The following COL11A2 variants were observed in gnomAD, a reference collection of about 807,000 sequenced individuals.
COL11A2 encodes the protein collagen alpha-2(XI) chain.
A neutral mutation model predicts 273.4 loss-of-function variants in COL11A2; 116 were observed. The observed-to-expected ratio is 0.42, with a 90% CI of 0.36 to 0.49. COL11A2 has a LOEUF of 0.49. COL11A2 is among the 20% of genes least tolerant of loss of function. COL11A2 has a pLI of 0.00. For missense variants in COL11A2, 1,866 were observed against 2,309.0 expected (o/e 0.81, Z 3.93); for synonymous variants, 782 against 864.2 (o/e 0.90, Z 1.67).
Position 33,176,542 on chromosome 6 carries a change from C to T in COL11A2, c.2116-56G>A. 1 of 1,531,896 alleles carries T rather than the reference C, an allele frequency of 6.5e-7. No homozygotes were observed. Among genetic ancestry groups the T allele is most frequent in the South Asian group, 1.1e-5 (1 of 88,632 alleles). The allele number at this position is 1,531,896 out of a possible 1,614,324, so 94.9% of individuals were successfully genotyped here. On this transcript the variant is annotated intron_variant, in intron 26 of 65. Coordinates refer to ENST00000341947, the MANE Select transcript of COL11A2 (RefSeq NM_080680.3). The surrounding 1 kb of genome is among the most constrained non-coding windows in gnomAD (Gnocchi z 4.9). ...GGGCCTCAGAGTGTCACTGTGGGGG[C>T]CTCCAGGGGTGGAAGAAATGGAAGT... is the stretch of plus-strand genomic sequence containing the variant.
rs761256686 is a variant in COL11A2, at chr6:33,174,031, G to A, written c.2509C>T (p.Arg837Trp). 14 of 1,613,788 alleles carry A rather than the reference G, an allele frequency of 8.7e-6. No individual in the cohort carries two copies. Among genetic ancestry groups the A allele is most frequent in the South Asian group, 4.4e-5 (4 of 91,076 alleles). Residue 837 changes from arginine to tryptophan, a missense_variant, in exon 33 of 66, where the codon CGG becomes TGG. Arg to Trp is a moderately radical substitution (Grantham distance 101, BLOSUM62 -3). Coordinates refer to ENST00000341947, the MANE Select transcript of COL11A2 (RefSeq NM_080680.3). ...ARGLSGKSGP[R>W]GERGPTGPRG... ...CTCACCGTGGGGCCCCGTTCTCCCC[G>A]AGGCCCTGACTTCCCCGACAGGCCC...
intron 52 of COL11A2, 35 bp downstream of exon 52, chr6:33,168,920 C>G (rs554779812): frequency 6.2e-7 from 1 of 1,607,128 alleles, no homozygotes. Context: ...AAGCCCCACC[C>G]TTTTTGCCCC....
chr6:33,175,782 T>A (rs564435056), intron 29 of COL11A2, 101 bp from the exon 30 acceptor site: 2 of 1,236,886 alleles, frequency 1.6e-6, no homozygotes, highest in Non-Finnish European at 2.4e-6. Context: ...GCTAGAGGGG[T>A]CCCAGGAGCC....
Position 33,166,361 on chromosome 6 carries a change from A to G in COL11A2, c.4392+152T>C. 1.6e-6 allele frequency: 2 copies of G among 1,220,180 alleles called. No homozygotes were observed. Among genetic ancestry groups the G allele is most frequent in the Non-Finnish European group, 2.3e-6 (2 of 868,974 alleles). 75.6% of individuals were successfully genotyped at this position (1,220,180 alleles called of 1,614,324 possible). Reference sequence around the variant, plus strand: ...CTAGGACATTCAGAGCCCTGGAAGTATGGGGAGGAGGTACTGGTGGTGACA... The same window carrying G: ...CTAGGACATTCAGAGCCCTGGAAGTGTGGGGAGGAGGTACTGGTGGTGACA... On this transcript the variant is annotated intron_variant, in intron 60 of 65. Coordinates refer to ENST00000341947, the MANE Select transcript of COL11A2 (RefSeq NM_080680.3). The surrounding 1 kb of genome is among the most constrained non-coding windows in gnomAD (Gnocchi z 4.8).
At chr6:33,187,280 G>A (rs1041331387) in intron 4 of COL11A2, among the ~76,000 whole-genome samples, 3 of 152,340 alleles carry the variant, frequency 2.0e-5, no homozygotes, top group South Asian at 4.1e-4. Flanking sequence ...TAGAAATGGA[G>A]TGGGGAGAAC....
At chr6:33,185,620 G>T in intron 6 of COL11A2, 81 bp downstream of exon 6, 1 of 564,590 alleles carries the variant, frequency 1.8e-6, no homozygotes, top group Admixed American at 2.0e-5. Flanking sequence ...CGGCATGGGG[G>T]AGGGGAGGAA....
chr6:33,179,867 A>C lies in COL11A2; in HGVS notation c.1360-62T>G. ...AGAAAGCCATGGGACCCTCCCAGCC[A>C]GAGGCTTTCTCCAGCGTTTCTGCCC... On this transcript the variant is annotated intron_variant, in intron 12 of 65. Coordinates refer to ENST00000341947, the MANE Select transcript of COL11A2 (RefSeq NM_080680.3). This position sits in a 1 kb window ranked among gnomAD's most constrained non-coding sequence, Gnocchi z 6.4. The C allele has an allele frequency of 3.3e-6, 5 of 1,499,840 alleles. No homozygotes were observed. The highest frequency in any genetic ancestry group is 4.6e-6 in the Non-Finnish European group (5 of 1,086,978). 92.9% of individuals were successfully genotyped at this position (1,499,840 alleles called of 1,614,324 possible).
At position 33,176,064 on chromosome 6, in the gene COL11A2, C is replaced by T. The variant is rs202032297; in HGVS notation, c.2220G>A (p.Glu740=). The T allele has an allele frequency of 1.2e-4, 193 of 1,612,908 alleles. No homozygotes were observed. The highest frequency in any genetic ancestry group is 1.6e-4 in the Non-Finnish European group (188 of 1,180,032). Residue 740 remains glutamate, a synonymous_variant, in exon 29 of 66, where the codon GAG becomes GAA. Transcript: ENST00000341947. This position sits in a 1 kb window ranked among gnomAD's most constrained non-coding sequence, Gnocchi z 4.9. ...GLKGHKGEKG[E]DGFPGFKGDI... ...CACCTTTGAACCCAGGAAAGCCATC[C>T]TCACCCTGAGAAAGATAGAGGTGAG...
intron 4 of COL11A2, among the ~76,000 whole-genome samples, chr6:33,187,524 T>C (rs904122034): frequency 1.3e-5 from 2 of 151,976 alleles, no homozygotes; most frequent in Non-Finnish European, 2.9e-5. Flanking sequence ...GATGGATGAA[T>C]GGATAGATGA....
At chr6:33,185,659 G>T in intron 6 of COL11A2, 42 bp downstream of exon 6, 2 of 983,104 alleles carry the variant, frequency 2.0e-6, no homozygotes, top group Non-Finnish European at 3.0e-6. Context: ...TGCTGGGGGT[G>T]CTGGGAGAAA....
In COL11A2 at chr6:33,177,461, G is replaced by A; in HGVS notation, c.1922C>T (p.Pro641Leu). 6.2e-7 allele frequency: 1 copy of A among 1,612,894 alleles called. No homozygotes were observed. The highest frequency in any genetic ancestry group is 1.1e-5 in the South Asian group (1 of 91,082). ...GPQGPKGSLGPQGEPGPPGQQ... is the reference protein window; with the variant it reads ...GPQGPKGSLGLQGEPGPPGQQ... The stretch of plus-strand genomic sequence containing the variant: ...TCCAGGAGGTCCTGGCTCTCCCTGG[G>A]GTCCCTAGAAACAGGTGACCAGGCA... Residue 641 changes from proline (P) to leucine (L), a missense_variant, in exon 23 of 66, where the codon CCC (proline) becomes CTC (leucine). Physicochemically the swap from Pro to Leu is moderately conservative, Grantham distance 98. Coordinates refer to ENST00000341947, the MANE Select transcript of COL11A2 (RefSeq NM_080680.3). This position sits in a 1 kb window ranked among gnomAD's most constrained non-coding sequence, Gnocchi z 5.9.
intron 44 of COL11A2, 44 bp from the exon 45 acceptor site, chr6:33,171,211 G>A: frequency 6.2e-7 from 1 of 1,613,484 alleles, no homozygotes; most frequent in Non-Finnish European, 8.5e-7. Context: ...CAGGGAGAGA[G>A]ATCAGGTGGG....
intron 5 of COL11A2, 130 bp from the exon 6 acceptor site, chr6:33,185,908 CAG>C (rs981415351): frequency 2.7e-5 from 11 of 401,752 alleles, no homozygotes; most frequent in East Asian, 6.1e-5. Flanking sequence ...AGTTGGGAAA[CAG>C]AGAGTTGAAG....
In COL11A2 at chr6:33,177,636, G is replaced by A. The variant is rs1771111220; in HGVS notation, c.1917+26C>T. 6.2e-7 allele frequency: 1 copy of A among 1,612,364 alleles called. No homozygotes were observed. The highest frequency in any genetic ancestry group is 8.5e-7 in the Non-Finnish European group (1 of 1,179,498). ...AGGGACCTCGGGGGATAAGAATGGG[G>A]GTGGGATCTCCTATCCATCACTCAC... On this transcript the variant is annotated intron_variant, in intron 22 of 65. Coordinates refer to ENST00000341947, the MANE Select transcript of COL11A2 (RefSeq NM_080680.3). The surrounding 1 kb of genome is among the most constrained non-coding windows in gnomAD (Gnocchi z 5.9).
At position 33,178,923 on chromosome 6, in the gene COL11A2, C is replaced by A. The variant is rs1432655261; in HGVS notation, c.1662G>T (p.Val554=). Residue 554 remains valine, a synonymous_variant, in exon 17 of 66, where the codon GTG becomes GTT. Coordinates refer to ENST00000341947, the MANE Select transcript of COL11A2 (RefSeq NM_080680.3). This position sits in a 1 kb window ranked among gnomAD's most constrained non-coding sequence, Gnocchi z 4.6. The part of the protein sequence containing the change: ...GARGMPGDPG[V]KGDRGFDGLP... ...GGGAGGGGCCCAAGCCTGTTACCTT[C>A]ACTCCAGGATCTCCAGGCATCCCTC... 1.2e-6 allele frequency: 2 copies of A among 1,613,860 alleles called. No homozygotes were observed. The highest frequency in any genetic ancestry group is 1.7e-6 in the Non-Finnish European group (2 of 1,179,988).
At position 33,165,355 on chromosome 6, in the gene COL11A2, G is replaced by T. The variant is rs1449343075; in HGVS notation, c.4750+194C>A. On this transcript the variant is annotated intron_variant, in intron 63 of 65. Transcript: ENST00000341947. The surrounding 1 kb of genome is among the most constrained non-coding windows in gnomAD (Gnocchi z 7.7). ...CAGACACTGGGCTGATAACCAACTGGTACACACTGACCCAGATCAGTTGCT... is the reference window on the plus strand; with the variant it reads ...CAGACACTGGGCTGATAACCAACTGTTACACACTGACCCAGATCAGTTGCT... 6.6e-6 allele frequency among the ~76,000 whole-genome samples: 1 copy of T among 152,112 alleles called. No individual in the cohort carries two copies. The highest frequency in any genetic ancestry group is 2.4e-5 in the African/African-American group (1 of 41,406).
chr6:33,177,375 C>T lies in COL11A2; in HGVS notation c.1971+37G>A. 6.2e-7 allele frequency: 1 copy of T among 1,612,028 alleles called. No individual in the cohort carries two copies. Among genetic ancestry groups the T allele is most frequent in the Non-Finnish European group, 8.5e-7 (1 of 1,179,286 alleles). On this transcript the variant is annotated intron_variant, in intron 23 of 65. Coordinates refer to ENST00000341947, the MANE Select transcript of COL11A2 (RefSeq NM_080680.3). This position sits in a 1 kb window ranked among gnomAD's most constrained non-coding sequence, Gnocchi z 5.9. ...CCCATTGTGGAAGCCCAAGGGAAGT[C>T]ATGAAAATTGGGGAACGGAGTAGGG...
In COL11A2 at chr6:33,163,408, G is replaced by C. The variant is rs1438780973; in HGVS notation, c.*270C>G. Reference sequence around the variant, plus strand: ...TCTCTTCCATTTGTTTGGGGTGATTGGGAGGTGAGTTTTAAATAAGGGTCT... The same window carrying C: ...TCTCTTCCATTTGTTTGGGGTGATTCGGAGGTGAGTTTTAAATAAGGGTCT... On this transcript the variant is annotated 3_prime_UTR_variant, in exon 66 of 66. Coordinates refer to ENST00000341947, the MANE Select transcript of COL11A2 (RefSeq NM_080680.3). This position sits in a 1 kb window ranked among gnomAD's most constrained non-coding sequence, Gnocchi z 4.1. 2 of 565,910 alleles carry C rather than the reference G, an allele frequency of 3.5e-6. No homozygotes were observed. The highest frequency in any genetic ancestry group is 2.9e-5 in the East Asian group (1 of 35,042). 35.1% of individuals were successfully genotyped at this position (565,910 alleles called of 1,614,324 possible). A position where few individuals can be genotyped will look rare whatever the true frequency, so the allele number is the denominator to read the frequency against.
At chr6:33,192,984 G>A (rs1773331354), upstream of COL11A2, among the ~76,000 whole-genome samples, 1 of 152,188 alleles carries the variant, frequency 6.6e-6, no homozygotes, top group African/African-American at 2.4e-5. Flanking sequence ...TGTGGGGGAA[G>A]GTGTTCTACG....
Sources: allele counts gnomAD v4.1 joint callset (sites outside exome capture counted in the v4.1 genomes callset), GRCh38; gene constraint gnomAD v4.1.1; non-coding constraint Gnocchi (gnomAD v3.1); transcripts MANE v1.5; gene names NCBI Gene and HGNC (gene_info 2026-07-23, HGNC 2026-07-21).